The following C7 variants were observed in gnomAD, a reference collection of about 807,000 sequenced individuals.
C7 encodes the protein complement component C7.
C7 carries 83 observed loss-of-function variants against 104.8 expected under a neutral mutation model. The ratio of observed to expected loss-of-function variants is 0.79; its 90% CI spans 0.66 to 0.95. C7 has a LOEUF of 0.95. C7 is among the 40% of genes least tolerant of loss of function. The pLI is 0.00. For missense variants in C7, 1,070 were observed against 1,011.2 expected, an observed-to-expected ratio of 1.06 and a Z score of -0.79; for synonymous variants, 415 against 360.6, an observed-to-expected ratio of 1.15 and a Z score of -1.71.
intron 11 of C7, among the ~76,000 whole-genome samples, chr5:40,959,158 G>T (rs1030284939): frequency 2.6e-5 from 4 of 152,152 alleles, no homozygotes; most frequent in Admixed American, 6.5e-5. Context: ...TCACTGTTGT[G>T]AGAAGTAAAT....
At position 40,981,415 on chromosome 5, in the gene C7, C is replaced by T. The variant is rs1393459238; in HGVS notation, c.2374C>T (p.Arg792Ter). Reference sequence around the variant, plus strand: ...AGCTGAGAGCAGCAAATGTGTCTGCCGAGAAGCATCGGAGTGCGAGGAAGA... The same window carrying T: ...AGCTGAGAGCAGCAAATGTGTCTGCTGAGAAGCATCGGAGTGCGAGGAAGA... ...CDAESSKCVC[R>*]EASECEEEGF... The change falls in exon 18 of 18, where the codon CGA becomes TGA. Residue 792 changes from arginine to a stop codon, truncating the protein, a stop_gained. Coordinates refer to ENST00000313164, the MANE Select transcript of C7 (RefSeq NM_000587.4). LOFTEE classifies it low-confidence loss of function (END_TRUNC). 5.0e-6 allele frequency: 8 copies of T among 1,612,408 alleles called. No individual in the cohort carries two copies. The highest frequency in any genetic ancestry group is 2.2e-5 in the East Asian group (1 of 44,824).
chr5:40,937,631 A>G lies in C7; in HGVS notation c.508A>G (p.Ser170Gly). The G allele has an allele frequency of 6.2e-7, 1 of 1,611,930 alleles. No individual in the cohort carries two copies. Among genetic ancestry groups the G allele is most frequent in the Non-Finnish European group, 8.5e-7 (1 of 1,178,784 alleles). Residue 170 changes from serine (S) to glycine (G), a missense_variant, in exon 6 of 18, where the codon AGT (serine) becomes GGT (glycine). Coordinates refer to ENST00000313164, the MANE Select transcript of C7 (RefSeq NM_000587.4). ...SFGGQCRKVFSGDGKDFYRLS... is the reference protein window; with the variant it reads ...SFGGQCRKVFGGDGKDFYRLS... The stretch of plus-strand genomic sequence containing the variant: ...TGGTGGTCAATGTAGAAAGGTGTTT[A>G]GTGGGGATGGAAAAGATTTCTACAG...
At chr5:40,963,848 T>A (rs1394189331) in intron 13 of C7, among the ~76,000 whole-genome samples, 1 of 151,800 alleles carries the variant, frequency 6.6e-6, no homozygotes, top group Admixed American at 6.6e-5. Flanking sequence ...ATACATATAG[T>A]GTGGAGTAGG....
chr5:40,949,887 T>A lies in C7; in HGVS notation c.983-17T>A, dbSNP rs780557276. ...ATGCAGAAATTAAACATGTCTCTTT[T>A]ACATTTTCTCCCCTAGATTTTAATT... On this transcript the variant is annotated splice_polypyrimidine_tract_variant and intron_variant, in intron 8 of 17. Coordinates refer to ENST00000313164, the MANE Select transcript of C7 (RefSeq NM_000587.4). 9 of 1,448,474 alleles carry A rather than the reference T, an allele frequency of 6.2e-6. No homozygotes were observed. Among genetic ancestry groups the A allele is most frequent in the Middle Eastern group, 1.8e-4 (1 of 5,614 alleles). 89.7% of individuals were successfully genotyped at this position (1,448,474 alleles called of 1,614,324 possible). A position where few individuals can be genotyped will look rare whatever the true frequency, so the allele number is the denominator to read the frequency against.
At position 40,976,818 on chromosome 5, in the gene C7, T is replaced by C. The variant is rs1475284420; in HGVS notation, c.2143T>C (p.Cys715Arg). 1.9e-6 allele frequency: 3 copies of C among 1,606,560 alleles called. No homozygotes were observed. Among genetic ancestry groups the C allele is most frequent in the Middle Eastern group, 1.7e-4 (1 of 6,042 alleles). The change falls in exon 16 of 18, where the codon TGT (cysteine) becomes CGT (arginine). Residue 715 changes from cysteine to arginine, a missense_variant. By Grantham distance (180) the Cys-to-Arg change is radical. Coordinates refer to ENST00000313164, the MANE Select transcript of C7 (RefSeq NM_000587.4). ...GAAACTGCAGAATTCAAGATGTGTTTGTAAAATGCCCTACGAATGTGGGTA... is the reference window on the plus strand; with the variant it reads ...GAAACTGCAGAATTCAAGATGTGTTCGTAAAATGCCCTACGAATGTGGGTA... ...WEKLQNSRCV[C>R]KMPYECGPSL...
At chr5:40,964,642 CTGA>C (rs1378196066) in intron 13 of C7, 96 bp from the exon 14 acceptor site, 1 of 1,041,516 alleles carries the variant, frequency 9.6e-7, no homozygotes, top group Admixed American at 2.4e-5. Flanking sequence ...TGTAGCTTGC[CTGA>C]TGATTATGAT....
intron 10 of C7, among the ~76,000 whole-genome samples, chr5:40,956,374 T>C (rs912550545): frequency 4.6e-5 from 7 of 152,200 alleles, no homozygotes; most frequent in African/African-American, 1.7e-4. Context: ...CAGTATAGTT[T>C]ATAATGCAGG....
At chr5:40,910,684 A>G (rs1253270805) in intron 1 of C7, among the ~76,000 whole-genome samples, 1 of 150,172 alleles carries the variant, frequency 6.7e-6, no homozygotes, top group East Asian at 2.0e-4. Flanking sequence ...CAAATACCCC[A>G]TGTTCTTAAT....
intron 4 of C7, among the ~76,000 whole-genome samples, chr5:40,935,155 A>T (rs1427265178): frequency 6.6e-6 from 1 of 152,222 alleles, no homozygotes; most frequent in Non-Finnish European, 1.5e-5. Flanking sequence ...TTCAAAATCC[A>T]AATTAGATAA....
intron 7 of C7, among the ~76,000 whole-genome samples, chr5:40,947,336 T>G (rs1047865259): frequency 6.6e-6 from 1 of 151,880 alleles, no homozygotes; most frequent in Non-Finnish European, 1.5e-5. Flanking sequence ...TCTGCCTGCC[T>G]CAGCCTCCCA....
rs761703740 is a variant in C7, at chr5:40,976,833, G to A, written c.2158G>A (p.Glu720Lys). The A allele has an allele frequency of 2.5e-6, 4 of 1,601,192 alleles. No individual in the cohort carries two copies. Among genetic ancestry groups the A allele is most frequent in the Admixed American group, 3.4e-5 (2 of 58,358 alleles). Reference protein sequence around the residue: ...NSRCVCKMPYECGPSLDVCAQ... With the variant: ...NSRCVCKMPYKCGPSLDVCAQ... Reference sequence around the variant, plus strand: ...AAGATGTGTTTGTAAAATGCCCTACGAATGTGGGTAAGTGCCGCCTTTGCT... The same window carrying A: ...AAGATGTGTTTGTAAAATGCCCTACAAATGTGGGTAAGTGCCGCCTTTGCT... The change falls in exon 16 of 18, where the codon GAA becomes AAA. Residue 720 changes from glutamate (E) to lysine (K), a missense_variant. Glu to Lys is a moderately conservative substitution (Grantham distance 56, BLOSUM62 1). Coordinates refer to ENST00000313164, the MANE Select transcript of C7 (RefSeq NM_000587.4).
intron 16 of C7, among the ~76,000 whole-genome samples, chr5:40,977,357 A>G (rs1366975449): frequency 6.6e-6 from 1 of 152,176 alleles, no homozygotes; most frequent in African/African-American, 2.4e-5. Flanking sequence ...TAGGATAGAG[A>G]TGGCACAATT....
At chr5:40,942,646 G>A (rs1739963469) in intron 6 of C7, among the ~76,000 whole-genome samples, 1 of 152,068 alleles carries the variant, frequency 6.6e-6, no homozygotes, top group Admixed American at 6.5e-5. Flanking sequence ...GAGAATGGGA[G>A]GAGGGAACTG....
Position 40,950,018 on chromosome 5 carries a change from A to C in C7, c.1093+4A>C. 1 of 1,557,332 alleles carries C rather than the reference A, an allele frequency of 6.4e-7. No homozygotes were observed. The highest frequency in any genetic ancestry group is 8.7e-7 in the Non-Finnish European group (1 of 1,144,382). ...AACGCTTTAAAAGCTGCTTCAGGTA[A>C]ATGGAAAAAGAGCAGTTTGCATTGC... On this transcript the variant is annotated splice_donor_region_variant and intron_variant, in intron 9 of 17. Transcript: ENST00000313164.
Position 40,949,920 on chromosome 5 carries a change from A to C in C7, c.999A>C (p.Glu333Asp). The C allele has an allele frequency of 1.9e-6, 3 of 1,588,724 alleles. No individual in the cohort carries two copies. Among genetic ancestry groups the C allele is most frequent in the Non-Finnish European group, 2.6e-6 (3 of 1,164,560 alleles). ...CTCCCCTAGATTTTAATTCAGTCGA[A>C]GAAAAGAAATGTAAATCCTCAGGTT... ...KLKQNDFNSV[E>D]EKKCKSSGWH... The change falls in exon 9 of 18, where the codon GAA becomes GAC. Residue 333 changes from glutamate to aspartate, a missense_variant. Transcript: ENST00000313164.
rs1740019862 is a variant in C7, at chr5:40,945,224, T to A, written c.594T>A (p.Tyr198Ter). 6.6e-7 allele frequency: 1 copy of A among 1,518,318 alleles called. No individual in the cohort carries two copies. Among genetic ancestry groups the A allele is most frequent in the Non-Finnish European group, 8.9e-7 (1 of 1,126,946 alleles). 94.1% of individuals were successfully genotyped at this position (1,518,318 alleles called of 1,614,324 possible). ...TGAAAATAAATAATGATTTTAATTA[T>A]GAATTTTACAATAGTACTTGGTCTT... ...FQVKINNDFN[Y>*]EFYNSTWSYV... Residue 198 changes from tyrosine to a stop codon, truncating the protein, a stop_gained, in exon 7 of 18, where the codon TAT (tyrosine) becomes TAA (stop). Transcript: ENST00000313164. LOFTEE classifies it high-confidence loss of function.
intron 10 of C7, 144 bp from the exon 11 acceptor site, chr5:40,957,889 C>A: frequency 1.9e-6 from 1 of 535,940 alleles, no homozygotes; most frequent in Non-Finnish European, 3.2e-6. Context: ...CACTGTTTTC[C>A]TTTGTATTTG....
At chr5:40,929,012 T>A (rs1739618804) in intron 2 of C7, among the ~76,000 whole-genome samples, 1 of 152,172 alleles carries the variant, frequency 6.6e-6, no homozygotes, top group Non-Finnish European at 1.5e-5. Flanking sequence ...GAGAGTTTTT[T>A]AAGAAAATAG....
chr5:40,958,103 C>A lies in C7; in HGVS notation c.1331C>A (p.Ala444Asp). ...GTGAAAAAACTATACCTGAAATGGG[C>A]TCTTGAAGAGTATCTGGATGAATTT... ...ASVKKLYLKWALEEYLDEFDP... is the reference protein window; with the variant it reads ...ASVKKLYLKWDLEEYLDEFDP... Residue 444 changes from alanine (A) to aspartate (D), a missense_variant, in exon 11 of 18, where the codon GCT becomes GAT. Physicochemically the swap from Ala to Asp is moderately radical, Grantham distance 126. Transcript: ENST00000313164. 2 of 1,613,778 alleles carry A rather than the reference C, an allele frequency of 1.2e-6. No homozygotes were observed. The highest frequency in any genetic ancestry group is 1.7e-6 in the Non-Finnish European group (2 of 1,179,760).
Sources: gnomAD v4.1 joint callset for allele counts (sites outside exome capture counted in the v4.1 genomes callset) on GRCh38, gnomAD v4.1.1 for gene constraint, MANE v1.5 for transcripts, NCBI Gene and HGNC (gene_info 2026-07-23, HGNC 2026-07-21) for gene names.